The following RIC8B variants were observed in gnomAD, a reference collection of about 807,000 sequenced individuals.
RIC8B encodes chaperone Ric-8B.
Under a neutral mutation model 57.5 loss-of-function variants are expected in RIC8B, and 16 were observed. The observed-to-expected ratio is 0.28, with a 90% CI of 0.19 to 0.42. RIC8B has a LOEUF of 0.42. RIC8B is among the 10% of genes least tolerant of loss of function. The probability of loss-of-function intolerance (pLI) is 1.00; values close to 1 mark genes in which losing one functional copy is unlikely to be tolerated. For synonymous variants in RIC8B, 216 were observed against 250.8 expected, an observed-to-expected ratio of 0.86 and a Z score of 1.31; for missense variants, 481 against 677.0, an observed-to-expected ratio of 0.71 and a Z score of 3.21.
At chr12:106,885,576 CAAAA>C (rs35328877) in intron 9 of RIC8B, among the ~76,000 whole-genome samples, 4 of 138,436 alleles carry the variant, frequency 2.9e-5, no homozygotes, top group East Asian at 2.1e-4. Flanking sequence ...ACCAATCCAC[CAAAA>C]AAAAAAAAAA....
intron 9 of RIC8B, chr12:106,871,488 AAAAAAAAAAAC>A (rs1481777138): frequency 1.6e-4 from 23 of 143,616 alleles, no homozygotes; most frequent in South Asian, 4.4e-4. Flanking sequence ...AAAAAAAAAA[AAAAAAAAAAAC>A]CAAAAAACTC....
rs962908992 is a variant in RIC8B, at chr12:106,880,307, G to A, written c.1572-5597G>A. ...TTAGAATATCTGCATTAGAAACAAA[G>A]GCTTAGTAATAATGAGTTTGAGTAT... On this transcript the variant is annotated intron_variant, in intron 9 of 9. Transcript: ENST00000392837. 3.3e-5 allele frequency among the ~76,000 whole-genome samples: 5 copies of A among 152,088 alleles called. No individual in the cohort carries two copies. In the East Asian group the frequency reaches 9.6e-4, roughly 29 times the overall value.
At chr12:106,780,105 G>A (rs911357286) in intron 1 of RIC8B, among the ~76,000 whole-genome samples, 4 of 152,102 alleles carry the variant, frequency 2.6e-5, no homozygotes, top group African/African-American at 9.7e-5. Flanking sequence ...CCTGAGGTAT[G>A]GAGTAGTATC....
chr12:106,815,598 A>G (rs1314528479), intron 3 of RIC8B, among the ~76,000 whole-genome samples: 2 of 152,236 alleles, frequency 1.3e-5, no homozygotes, highest in Non-Finnish European at 2.9e-5. Context: ...GCTTTCAGGA[A>G]TAAGGTTTAA....
At chr12:106,780,670 AT>A (rs1188336006) in intron 1 of RIC8B, among the ~76,000 whole-genome samples, 1 of 152,140 alleles carries the variant, frequency 6.6e-6, no homozygotes, top group Non-Finnish European at 1.5e-5. Context: ...TTTGTTTCTA[AT>A]TTTTAGTTGT....
chr12:106,875,641 A>G (rs1030044134), intron 9 of RIC8B, among the ~76,000 whole-genome samples: 1 of 152,128 alleles, frequency 6.6e-6, no homozygotes, highest in African/African-American at 2.4e-5. Flanking sequence ...CCCTTACCCC[A>G]TCACTGTCTA....
At chr12:106,781,858 G>A (rs1593067760) in intron 1 of RIC8B, among the ~76,000 whole-genome samples, 1 of 152,020 alleles carries the variant, frequency 6.6e-6, no homozygotes. Flanking sequence ...TTCTTAGTGC[G>A]ATTATTTTCA....
At chr12:106,795,969 A>G (rs970657241) in intron 2 of RIC8B, among the ~76,000 whole-genome samples, 8 of 152,214 alleles carry the variant, frequency 5.3e-5, no homozygotes, top group African/African-American at 1.9e-4. Flanking sequence ...TTACACTTTG[A>G]AAACTGTAAA....
At chr12:106,826,740 G>A (rs747187645) in intron 4 of RIC8B, among the ~76,000 whole-genome samples, 2 of 152,118 alleles carry the variant, frequency 1.3e-5, no homozygotes, top group Non-Finnish European at 2.9e-5. Flanking sequence ...AGGCAACAGA[G>A]TGAGACTCCA....
intron 2 of RIC8B, among the ~76,000 whole-genome samples, chr12:106,810,162 T>TC: frequency 6.7e-6 from 1 of 150,064 alleles, no homozygotes. Context: ...TTTCCTTTTT[T>TC]TTTTTTTTGA....
intron 9 of RIC8B, among the ~76,000 whole-genome samples, chr12:106,871,983 T>C (rs1950451152): frequency 6.6e-6 from 1 of 152,180 alleles, no homozygotes; most frequent in South Asian, 2.1e-4. Context: ...CTGCAGAGTA[T>C]GATGCTGGTA....
intron 1 of RIC8B, among the ~76,000 whole-genome samples, chr12:106,781,674 CTT>C (rs1408414987): frequency 6.6e-6 from 1 of 152,166 alleles, no homozygotes; most frequent in African/African-American, 2.4e-5. Flanking sequence ...TTAAAAGACA[CTT>C]ATAACTTACT....
rs1169558978 is a variant in RIC8B, at chr12:106,887,646, T to C, written c.*1631T>C. On this transcript the variant is annotated 3_prime_UTR_variant, in exon 10 of 10. Coordinates refer to ENST00000392837, the MANE Select transcript of RIC8B (RefSeq NM_001330145.2). ...GCTGGCTTTGAAGCTCACAAAAGAA[T>C]GGCAAAGAAAGAGGCTGCTAGATTG... is the stretch of plus-strand genomic sequence containing the variant. 1 of 152,116 alleles carries C rather than the reference T, an allele frequency of 6.6e-6. No individual in the cohort carries two copies. The highest frequency in any genetic ancestry group is 1.5e-5 in the Non-Finnish European group (1 of 68,018). The allele number at this position is 152,116 out of a possible 1,614,324, so 9.4% of individuals were successfully genotyped here. A position where few individuals can be genotyped will look rare whatever the true frequency, so the allele number is the denominator to read the frequency against.
intron 7 of RIC8B, among the ~76,000 whole-genome samples, chr12:106,854,526 C>T (rs989319357): frequency 6.6e-6 from 1 of 152,114 alleles, no homozygotes; most frequent in Non-Finnish European, 1.5e-5. Flanking sequence ...GGCGCGGTGG[C>T]TCATGCCTGT....
chr12:106,849,525 AG>A (rs1413468164), intron 6 of RIC8B, among the ~76,000 whole-genome samples: 5 of 151,916 alleles, frequency 3.3e-5, no homozygotes, highest in Non-Finnish European at 7.4e-5. Flanking sequence ...TAAGAAGGTT[AG>A]AAAAAAGAAA....
chr12:106,814,775 G>A lies in RIC8B; in HGVS notation c.212G>A (p.Arg71His). Residue 71 changes from arginine (R) to histidine (H), a missense_variant, in exon 3 of 10, where the codon CGC becomes CAC. Arg to His is a conservative substitution (Grantham distance 29). This residue lies in a region of RIC8B where 421 missense variants were observed against 560.9 expected (regional missense o/e 0.75). Coordinates refer to ENST00000392837, the MANE Select transcript of RIC8B (RefSeq NM_001330145.2). ...TCQVSCLEVL[R>H]ILSRDKKVLV... Reference sequence around the variant, plus strand: ...CAAGTGTCCTGCCTGGAAGTACTCCGCATTCTCTCCAGAGACAAAAAGGTT... The same window carrying A: ...CAAGTGTCCTGCCTGGAAGTACTCCACATTCTCTCCAGAGACAAAAAGGTT... 2 of 1,614,100 alleles carry A rather than the reference G, an allele frequency of 1.2e-6. No homozygotes were observed. The highest frequency in any genetic ancestry group is 1.7e-6 in the Non-Finnish European group (2 of 1,179,974).
At chr12:106,819,982 C>T (rs185211280) in intron 3 of RIC8B, among the ~76,000 whole-genome samples, 1 of 151,984 alleles carries the variant, frequency 6.6e-6, no homozygotes, top group East Asian at 1.9e-4. Flanking sequence ...GGTGGGCCAG[C>T]GGGTTTCAAA....
intron 1 of RIC8B, among the ~76,000 whole-genome samples, chr12:106,778,207 G>A (rs932217105): frequency 6.6e-6 from 1 of 152,112 alleles, no homozygotes; most frequent in Non-Finnish European, 1.5e-5. Flanking sequence ...TTTTCTAATG[G>A]GTAGCAAAAT....
intron 8 of RIC8B, among the ~76,000 whole-genome samples, chr12:106,863,769 C>T (rs1358949267): frequency 6.6e-6 from 1 of 152,058 alleles, no homozygotes; most frequent in Non-Finnish European, 1.5e-5. Flanking sequence ...AACTACAGTA[C>T]TGAGTTTTGC....
Sources: gnomAD v4.1 joint callset for allele counts (sites outside exome capture counted in the v4.1 genomes callset) on GRCh38, gnomAD v4.1.1 for gene constraint, gnomAD v4.1.1 regional missense constraint, MANE v1.5 for transcripts, NCBI Gene and HGNC (gene_info 2026-07-23, HGNC 2026-07-21) for gene names.